The following KRT75 variants were observed in gnomAD, a reference collection of about 807,000 sequenced individuals.
KRT75 encodes keratin, type II cytoskeletal 75.
Under a neutral mutation model 48.8 loss-of-function variants are expected in KRT75, and 35 were observed. The observed-to-expected ratio is 0.72, with a 90% CI of 0.55 to 0.95. The LOEUF (loss-of-function observed/expected upper bound fraction) is 0.95, where lower values mean the gene tolerates loss of function less well. Ranked by LOEUF, KRT75 falls within the 40% of genes least tolerant of loss-of-function variation. KRT75 has a pLI of 0.00. For missense variants in KRT75, 776 were observed against 709.9 expected (o/e 1.09, Z -1.06); for synonymous variants, 301 against 282.3 (o/e 1.07, Z -0.66).
In KRT75 at chr12:52,433,824, C is replaced by A; in HGVS notation, c.481G>T (p.Ala161Ser). 6.2e-7 allele frequency: 1 copy of A among 1,613,960 alleles called. No homozygotes were observed. The highest frequency in any genetic ancestry group is 2.2e-5 in the East Asian group (1 of 44,866). Reference sequence around the variant, plus strand: ...CTGCTTACCTTGTCGATGAAGGAGGCGAACTTATTGTTGAGGGTCTTGATC... The same window carrying A: ...CTGCTTACCTTGTCGATGAAGGAGGAGAACTTATTGTTGAGGGTCTTGATC... ...EQIKTLNNKF[A>S]SFIDKVRFLE... Residue 161 changes from alanine to serine, a missense_variant, in exon 1 of 9, where the codon GCC becomes TCC. By Grantham distance (99) the Ala-to-Ser change is moderately conservative. Transcript: ENST00000252245.
intron 1 of KRT75, 68 bp downstream of exon 1, chr12:52,433,739 C>A (rs1037829591): frequency 1.9e-6 from 3 of 1,608,476 alleles, no homozygotes; most frequent in South Asian, 2.2e-5. Context: ...GCTCTCCCCC[C>A]ATGGGATGGC....
At chr12:52,432,541 G>C (rs1157673977) in intron 2 of KRT75, among the ~76,000 whole-genome samples, 1 of 152,180 alleles carries the variant, frequency 6.6e-6, no homozygotes, top group Non-Finnish European at 1.5e-5. Context: ...TAATGGGTTA[G>C]TCTGGACCAA....
chr12:52,433,933 G>A lies in KRT75; in HGVS notation c.372C>T (p.Val124=), dbSNP rs1288277078. 1 of 1,614,050 alleles carries A rather than the reference G, an allele frequency of 6.2e-7. No individual in the cohort carries two copies. The highest frequency in any genetic ancestry group is 1.3e-5 in the African/African-American group (1 of 74,920). Residue 124 remains valine (V), a synonymous_variant, in exon 1 of 9, where the codon GTC becomes GTT. Transcript: ENST00000252245. The part of the protein sequence containing the change: ...PVCPPGGIQE[V]TVNQSLLTPL... ...GAGTCAGGAGACTCTGGTTGACAGT[G>A]ACCTCTTGGATGCCTCCAGGGGGAC... is the stretch of plus-strand genomic sequence containing the variant.
Position 52,426,748 on chromosome 12 carries a change from A to C in KRT75, c.1417+69T>G, listed in dbSNP as rs1478471448. The C allele has an allele frequency of 6.8e-6, 10 of 1,480,016 alleles. No individual in the cohort carries two copies. The East Asian group carries it at 1.8e-4, about 27-fold the overall frequency. 91.7% of individuals were successfully genotyped at this position (1,480,016 alleles called of 1,614,324 possible). ...ACCCGTCATATCTTCACCCTCTGGC[A>C]AGCCCACCACATCCCCATCCCCTCT... On this transcript the variant is annotated intron_variant, in intron 8 of 8. Coordinates refer to ENST00000252245, the MANE Select transcript of KRT75 (RefSeq NM_004693.3).
rs1244407404 is a variant in KRT75 at position 52,428,718 on chromosome 12, C to T, written c.1061G>A (p.Gly354Asp). ...GTTTCGAAGGTCATCCCCATGTCTG[C>T]CTGCGGTGACCTGCAGCTCCTCGTA... The part of the protein sequence containing the change: ...TKYEELQVTA[G>D]RHGDDLRNTK... The change falls in exon 6 of 9, where the codon GGC becomes GAC. Residue 354 changes from glycine to aspartate, a missense_variant. By Grantham distance (94) the Gly-to-Asp change is moderately conservative. Transcript: ENST00000252245. 6.2e-7 allele frequency: 1 copy of T among 1,614,144 alleles called. No individual in the cohort carries two copies. Among genetic ancestry groups the T allele is most frequent in the South Asian group, 1.1e-5 (1 of 91,074 alleles).
At chr12:52,429,522 C>A (rs1461588972) in intron 5 of KRT75, among the ~76,000 whole-genome samples, 2 of 152,196 alleles carry the variant, frequency 1.3e-5, no homozygotes, top group Non-Finnish European at 2.9e-5. Flanking sequence ...CTGCCAGAGT[C>A]AAGATCTGTG....
intron 8 of KRT75, among the ~76,000 whole-genome samples, chr12:52,426,101 C>A (rs1182386352): frequency 6.6e-6 from 1 of 152,146 alleles, no homozygotes; most frequent in African/African-American, 2.4e-5. Context: ...TCAAGAAAAC[C>A]AAACTCAAAC....
At chr12:52,430,457 G>A (rs1052221851) in intron 5 of KRT75, 84 bp downstream of exon 5, 34 of 1,393,300 alleles carry the variant, frequency 2.4e-5, no homozygotes, top group Non-Finnish European at 3.1e-5. Context: ...GTGCTCACAC[G>A]TTTCCTGAGG....
At chr12:52,431,423 C>A in intron 4 of KRT75, 120 bp downstream of exon 4, 1 of 827,550 alleles carries the variant, frequency 1.2e-6, no homozygotes, top group Admixed American at 1.9e-5. Context: ...CAAGCCCCAG[C>A]TTGAAGTATC....
chr12:52,426,934 T>C (rs1391425207), intron 7 of KRT75, 83 bp from the exon 8 acceptor site: 1 of 1,165,074 alleles, frequency 8.6e-7, no homozygotes, highest in Non-Finnish European at 1.3e-6. Context: ...TTTGTAATTG[T>C]TGACAAAGCA....
chr12:52,425,307 C>G (rs1360950204), intron 8 of KRT75, among the ~76,000 whole-genome samples: 1 of 152,188 alleles, frequency 6.6e-6, no homozygotes, highest in Non-Finnish European at 1.5e-5. Flanking sequence ...TTCTAGCACC[C>G]TACTTTGGGT....
intron 7 of KRT75, among the ~76,000 whole-genome samples, chr12:52,427,776 G>A (rs894469484): frequency 6.6e-6 from 1 of 152,196 alleles, no homozygotes; most frequent in East Asian, 1.9e-4. Flanking sequence ...TGGCTACACA[G>A]CTCCTAACTG....
intron 5 of KRT75, 78 bp downstream of exon 5, chr12:52,430,463 T>C: frequency 6.9e-7 from 1 of 1,446,794 alleles, no homozygotes; most frequent in East Asian, 2.3e-5. Flanking sequence ...ACACGTTTCC[T>C]GAGGCTGAGT....
intron 5 of KRT75, 108 bp from the exon 6 acceptor site, chr12:52,428,851 G>T: frequency 7.5e-7 from 1 of 1,330,890 alleles, no homozygotes; most frequent in Non-Finnish European, 1.1e-6. Flanking sequence ...TTCATTCCTG[G>T]TCATTCACTC....
Position 52,424,415 on chromosome 12 carries a change from A to C in KRT75, c.*102T>G. 1 of 1,098,110 alleles carries C rather than the reference A, an allele frequency of 9.1e-7. No homozygotes were observed. The highest frequency in any genetic ancestry group is 1.2e-5 in the South Asian group (1 of 80,356). 68.0% of individuals were successfully genotyped at this position (1,098,110 alleles called of 1,614,324 possible). ...GCCAGTACTCCAGGCTCCCAGCAGC[A>C]CAGGTGCACCTTACAAGGAGAGAGG... is the stretch of plus-strand genomic sequence containing the variant. On this transcript the variant is annotated 3_prime_UTR_variant, in exon 9 of 9. Coordinates refer to ENST00000252245, the MANE Select transcript of KRT75 (RefSeq NM_004693.3).
intron 8 of KRT75, among the ~76,000 whole-genome samples, chr12:52,426,024 G>C (rs528700371): frequency 4.6e-5 from 7 of 152,210 alleles, no homozygotes; most frequent in Non-Finnish European, 7.3e-5. Context: ...GGACACCTGG[G>C]TGGTTCAGAG....
rs1360196739 is a variant in KRT75 at position 52,433,660 on chromosome 12, G to A, written c.498+147C>T. ...CTGTGGGGCAAGCTGGCCTGACTTG[G>A]AAGGGTCTCAGCCCCTGGGAGCCCG... is the stretch of plus-strand genomic sequence containing the variant. On this transcript the variant is annotated intron_variant, in intron 1 of 8. Transcript: ENST00000252245. 3.9e-6 allele frequency: 5 copies of A among 1,284,600 alleles called. No homozygotes were observed. The African/African-American group carries it at 7.4e-5, about 19-fold the overall frequency. 79.6% of individuals were successfully genotyped at this position (1,284,600 alleles called of 1,614,324 possible).
In KRT75 at chr12:52,428,479, G is replaced by A. The variant is rs148594044; in HGVS notation, c.1162-3C>T. The stretch of plus-strand genomic sequence containing the variant: ...ATGGCCGTTTGCAAGCTGGAACACT[G>A]TAAGGACAGGAGGAAGCCATGAGTC... On this transcript the variant is annotated splice_region_variant and splice_polypyrimidine_tract_variant and intron_variant, in intron 6 of 8. Transcript: ENST00000252245. 8.2e-5 allele frequency: 132 copies of A among 1,613,016 alleles called. No individual in the cohort carries two copies. In the African/African-American group the frequency reaches 1.6e-3, roughly 19 times the overall value.
chr12:52,434,149 A>G lies in KRT75; in HGVS notation c.156T>C (p.Ser52=), dbSNP rs1940187286. The change falls in exon 1 of 9, where the codon AGT becomes AGC. Residue 52 remains serine (S), a synonymous_variant. Transcript: ENST00000252245. ...TGCGGCTTCCAAAGCTGGCCCCAGC[A>G]CTGCTGATCCTTCCCAGGCCCCCAC... The part of the protein sequence containing the change: ...AGSGGLGRIS[S]AGASFGSRSL... The G allele has an allele frequency of 6.2e-7, 1 of 1,613,814 alleles. No homozygotes were observed. The highest frequency in any genetic ancestry group is 1.1e-5 in the South Asian group (1 of 91,078).
Sources: allele counts gnomAD v4.1 joint callset (sites outside exome capture counted in the v4.1 genomes callset), GRCh38; gene constraint gnomAD v4.1.1; transcripts MANE v1.5; gene names NCBI Gene and HGNC (gene_info 2026-07-23, HGNC 2026-07-21).